STC1: variants seen among roughly 807,000 people sequenced by gnomAD.
STC1 encodes stanniocalcin-1.
A neutral mutation model predicts 22.6 loss-of-function variants in STC1; 7 were observed. That is an observed-to-expected ratio of 0.31 (90% confidence interval 0.18 to 0.58). The LOEUF (loss-of-function observed/expected upper bound fraction) is 0.58. STC1 is among the 20% of genes least tolerant of loss of function. STC1 has a pLI of 0.89. For missense variants in STC1, 224 were observed against 311.0 expected (o/e 0.72, Z 2.10); for synonymous variants, 113 against 120.7 (o/e 0.94, Z 0.42).
intron 3 of STC1, among the ~76,000 whole-genome samples, chr8:23,846,255 C>G (rs889309925): frequency 3.3e-5 from 5 of 152,118 alleles, no homozygotes; most frequent in Non-Finnish European, 5.9e-5. Flanking sequence ...ATTAAACTGT[C>G]TAATATTTAG....
intron 3 of STC1, among the ~76,000 whole-genome samples, chr8:23,845,572 G>GTA (rs1230208413): frequency 6.6e-6 from 1 of 151,986 alleles, no homozygotes; most frequent in Non-Finnish European, 1.5e-5. Context: ...GTGTGTGTGT[G>GTA]TATGCAGATC....
intron 3 of STC1, among the ~76,000 whole-genome samples, chr8:23,849,181 C>T (rs1802607570): frequency 6.6e-6 from 1 of 152,172 alleles, no homozygotes; most frequent in African/African-American, 2.4e-5. Flanking sequence ...GTAACTACTT[C>T]CTCTTGCAAT....
chr8:23,849,695 A>G (rs1286329547), intron 3 of STC1, among the ~76,000 whole-genome samples: 1 of 152,212 alleles, frequency 6.6e-6, no homozygotes, highest in Non-Finnish European at 1.5e-5. Flanking sequence ...AATATGCCGT[A>G]TTATAGATCA....
intron 2 of STC1, 44 bp from the exon 3 acceptor site, chr8:23,851,575 G>T: frequency 6.3e-7 from 1 of 1,586,720 alleles, no homozygotes; most frequent in South Asian, 1.1e-5. Context: ...AGCTTGACCT[G>T]ACAAAGAGGA....
intron 3 of STC1, among the ~76,000 whole-genome samples, chr8:23,845,769 A>C (rs7828058): frequency 6.6e-6 from 1 of 151,974 alleles, no homozygotes; most frequent in African/African-American, 2.4e-5. Context: ...CAAGAAGTCT[A>C]TTTAAATGGA....
chr8:23,849,753 G>A (rs931359648), intron 3 of STC1, among the ~76,000 whole-genome samples: 1 of 152,138 alleles, frequency 6.6e-6, no homozygotes, highest in African/African-American at 2.4e-5. Context: ...TAGTGGCTTT[G>A]CTAATGTACC....
At chr8:23,850,614 G>A (rs150479457) in intron 3 of STC1, among the ~76,000 whole-genome samples, 283 of 152,324 alleles carry the variant, frequency 1.9e-3, no homozygotes, top group African/African-American at 6.6e-3. Flanking sequence ...AGATGTTACT[G>A]TACTAGCTCA....
rs372439255 is a variant in STC1, at chr8:23,844,758, A to G, written c.*12T>C. The stretch of plus-strand genomic sequence containing the variant: ...TACTAGTTTGGTGAGGTTGTGAATA[A>G]CCTCTCCCTGGTTATGCACTCTCAT... On this transcript the variant is annotated 3_prime_UTR_variant, in exon 4 of 4. Transcript: ENST00000290271. 2 of 1,610,910 alleles carry G rather than the reference A, an allele frequency of 1.2e-6. No individual in the cohort carries two copies. The highest frequency in any genetic ancestry group is 2.7e-5 in the African/African-American group (2 of 74,924).
At chr8:23,845,704 T>C (rs945783774) in intron 3 of STC1, among the ~76,000 whole-genome samples, 1 of 152,152 alleles carries the variant, frequency 6.6e-6, no homozygotes, top group Non-Finnish European at 1.5e-5. Context: ...ATTGACTGAC[T>C]CCATCTTCAG....
intron 1 of STC1, 71 bp downstream of exon 1, chr8:23,854,335 C>G (rs1802672972): frequency 7.5e-7 from 1 of 1,340,138 alleles, no homozygotes; most frequent in Non-Finnish European, 1.1e-6. Context: ...GTCACAGACA[C>G]AGTTGCAAAA....
rs1802554282 is a variant in STC1, at chr8:23,844,935, G to A, written c.579C>T (p.Leu193=). 1 of 1,614,052 alleles carries A rather than the reference G, an allele frequency of 6.2e-7. No individual in the cohort carries two copies. The highest frequency in any genetic ancestry group is 1.7e-5 in the Admixed American group (1 of 60,008). Residue 193 remains leucine, a synonymous_variant, in exon 4 of 4, where the codon CTC becomes CTT. Transcript: ENST00000290271. ...AGTGGTCTGTCTGCAGGATGTGGAA[G>A]AGGCTGGCCATGTTAGGCCCAATTT... The part of the protein sequence containing the change: ...MEKIGPNMAS[L]FHILQTDHCA...
chr8:23,849,085 C>T (rs1182109207), intron 3 of STC1, among the ~76,000 whole-genome samples: 1 of 152,192 alleles, frequency 6.6e-6, no homozygotes, highest in East Asian at 1.9e-4. Flanking sequence ...TCCCCTTGTT[C>T]TGGCTCCTGG....
rs1322522209 is a variant in STC1 at position 23,844,274 on chromosome 8, G to T, written c.*496C>A. Reference sequence around the variant, plus strand: ...AAGACACTAGCTCATTAGAGATCAAGAATTCAAATGTGACATTCATATTCG... The same window carrying T: ...AAGACACTAGCTCATTAGAGATCAATAATTCAAATGTGACATTCATATTCG... On this transcript the variant is annotated 3_prime_UTR_variant, in exon 4 of 4. Transcript: ENST00000290271. 2 of 162,926 alleles carry T rather than the reference G, an allele frequency of 1.2e-5. No individual in the cohort carries two copies. The highest frequency in any genetic ancestry group is 2.4e-5 in the African/African-American group (1 of 41,710). 10.1% of individuals were successfully genotyped at this position (162,926 alleles called of 1,614,324 possible). A position where few individuals can be genotyped will look rare whatever the true frequency, so the allele number is the denominator to read the frequency against.
intron 3 of STC1, among the ~76,000 whole-genome samples, chr8:23,848,646 C>A (rs1190740790): frequency 6.6e-6 from 1 of 151,350 alleles, no homozygotes; most frequent in Non-Finnish European, 1.5e-5. Context: ...ATCACCCAGC[C>A]CGAAAGGACC....
chr8:23,852,123 T>G (rs2117744704), intron 2 of STC1, 119 bp downstream of exon 2: 7 of 1,204,104 alleles, frequency 5.8e-6, no homozygotes, highest in Non-Finnish European at 7.2e-6. Context: ...GATGGGAATT[T>G]AGAGTGGGGA....
At chr8:23,846,836 G>A (rs1166387931) in intron 3 of STC1, among the ~76,000 whole-genome samples, 1 of 152,144 alleles carries the variant, frequency 6.6e-6, no homozygotes, top group East Asian at 1.9e-4. Context: ...TCCTTTGGAT[G>A]GGGAAATGAG....
intron 3 of STC1, 140 bp from the exon 4 acceptor site, chr8:23,845,180 C>CT (rs1802557843): frequency 4.6e-6 from 4 of 860,948 alleles, no homozygotes; most frequent in Non-Finnish European, 7.1e-6. Context: ...CTGAAGGTGG[C>CT]TTTTGCTCTC....
At chr8:23,854,223 T>A (rs1802671546) in intron 1 of STC1, 183 bp downstream of exon 1, 9 of 1,014,246 alleles carry the variant, frequency 8.9e-6, no homozygotes, top group Non-Finnish European at 1.3e-5. Context: ...TTTAGTTGCA[T>A]GCAATTTATT....
Position 23,851,349 on chromosome 8 carries a change from G to T in STC1, c.444C>A (p.Val148=), listed in dbSNP as rs780810467. 5.0e-6 allele frequency: 8 copies of T among 1,613,962 alleles called. No homozygotes were observed. The Admixed American group carries it at 1.2e-4, about 24-fold the overall frequency. Reference sequence around the variant, plus strand: ...TGGAGAAGTGATTGGGCAGCTGGACGACCTCAGTGATGGCTTCAGGGTTCC... The same window carrying T: ...TGGAGAAGTGATTGGGCAGCTGGACTACCTCAGTGATGGCTTCAGGGTTCC... ...AKRNPEAITE[V]VQLPNHFSNR... The change falls in exon 3 of 4, where the codon GTC becomes GTA. Residue 148 remains valine, a synonymous_variant. Transcript: ENST00000290271.
Sources: gnomAD v4.1 joint callset for allele counts (sites outside exome capture counted in the v4.1 genomes callset) on GRCh38, gnomAD v4.1.1 for gene constraint, MANE v1.5 for transcripts, NCBI Gene and HGNC (gene_info 2026-07-23, HGNC 2026-07-21) for gene names.